SLC44A5: variants seen among roughly 807,000 people sequenced by gnomAD.
SLC44A5 encodes the protein solute carrier family 44 member 5.
A neutral mutation model predicts 101.8 loss-of-function variants in SLC44A5; 57 were observed. The ratio of observed to expected loss-of-function variants is 0.56; its 90% CI spans 0.45 to 0.70. The LOEUF is 0.70. Among genes scored for constraint, SLC44A5 ranks in the 30% least tolerant of loss-of-function variants. The pLI is 0.00. For missense variants in SLC44A5, 737 were observed against 853.1 expected, an observed-to-expected ratio of 0.86 and a Z score of 1.70; for synonymous variants, 281 against 290.9, an observed-to-expected ratio of 0.97 and a Z score of 0.35.
chr1:75,235,651 A>G (rs761391034), intron 11 of SLC44A5, among the ~76,000 whole-genome samples: 1 of 152,042 alleles, frequency 6.6e-6, no homozygotes, highest in Non-Finnish European at 1.5e-5. Flanking sequence ...CTAATTTTAC[A>G]GCTCTAAACA....
At chr1:75,651,589 C>T in the SLC44A5 span, among the ~76,000 whole-genome samples, 2 of 150,030 alleles carry the variant, frequency 1.3e-5, no homozygotes, top group East Asian at 2.0e-4. Context: ...CCCAGCTACT[C>T]GGGAGGCTGA....
the SLC44A5 span, among the ~76,000 whole-genome samples, chr1:75,646,000 C>T: frequency 0.65 from 85,236 of 131,596 alleles, 33,801 homozygotes; most frequent in East Asian, 0.87. Context: ...TATATCTGTT[C>T]TGGTACCAGT....
At chr1:75,302,104 GTTTTTTTGTTTTTT>G (rs1405491205) in intron 4 of SLC44A5, among the ~76,000 whole-genome samples, 13 of 49,612 alleles carry the variant, frequency 2.6e-4, no homozygotes, top group East Asian at 2.0e-3. Context: ...AGGTGCTCTA[GTTTTTTTGTTTTTT>G]TTTTTTTTTT....
intron 22 of SLC44A5, 29 bp downstream of exon 22, chr1:75,213,676 C>G (rs1480188868): frequency 4.2e-6 from 6 of 1,427,218 alleles, no homozygotes; most frequent in Non-Finnish European, 5.9e-6. Flanking sequence ...ATTATAGCAG[C>G]CTGTACTGAC....
In SLC44A5 at chr1:75,379,897, A is replaced by G. The variant is rs1369874160; in HGVS notation, c.52+16686T>C. Among the ~76,000 whole-genome samples, 4 of 82,608 alleles carry G rather than the reference A, an allele frequency of 4.8e-5. 2 individuals are homozygous for G. Among genetic ancestry groups the G allele is most frequent in the Non-Finnish European group, 8.3e-5 (4 of 47,912 alleles). The allele number at this position is 82,608 out of a possible 152,430, so 54.2% of individuals were successfully genotyped here. A position where few individuals can be genotyped will look rare whatever the true frequency, so the allele number is the denominator to read the frequency against. Reference sequence around the variant, plus strand: ...GCCCAGTCTTAAATAAACAGAATATAACTATTCAACCAACTACAACAGGTA... The same window carrying G: ...GCCCAGTCTTAAATAAACAGAATATGACTATTCAACCAACTACAACAGGTA... On this transcript the variant is annotated intron_variant, in intron 3 of 23. Coordinates refer to ENST00000370859, the MANE Select transcript of SLC44A5 (RefSeq NM_001130058.2).
At chr1:75,695,252 T>C in the SLC44A5 span, among the ~76,000 whole-genome samples, 1 of 152,220 alleles carries the variant, frequency 6.6e-6, no homozygotes, top group African/African-American at 2.4e-5. Context: ...AACTAGTTCC[T>C]GTTGACTTTG....
intron 3 of SLC44A5, among the ~76,000 whole-genome samples, chr1:75,375,083 A>G (rs1660488641): frequency 6.6e-6 from 1 of 152,248 alleles, no homozygotes; most frequent in Admixed American, 6.5e-5. Flanking sequence ...GATTCAAGAG[A>G]AAATTAAAAC....
chr1:75,245,601 G>C (rs1342006534), intron 7 of SLC44A5, among the ~76,000 whole-genome samples: 1 of 152,014 alleles, frequency 6.6e-6, no homozygotes, highest in African/African-American at 2.4e-5. Flanking sequence ...ATGATGGTAG[G>C]TACTTCTGAA....
intron 1 of SLC44A5, among the ~76,000 whole-genome samples, chr1:75,547,778 C>T (rs1298417663): frequency 6.6e-6 from 1 of 152,160 alleles, no homozygotes; most frequent in African/African-American, 2.4e-5. Context: ...GAAACAAGGG[C>T]AATTTTGCAA....
In SLC44A5 at chr1:75,218,508, G is replaced by A. The variant is rs780929295; in HGVS notation, c.1511C>T (p.Ala504Val). ...DDIPRYPLFT[A>V]FGRAIRYHTG... ...AACTTACCGTATGGCTCGTCCAAAT[G>A]CAGTAAAAAGTGGATATCGTGGGAT... The change falls in exon 17 of 24, where the codon GCA becomes GTA. Residue 504 changes from alanine to valine, a missense_variant. Transcript: ENST00000370859. 6.2e-7 allele frequency: 1 copy of A among 1,613,736 alleles called. No homozygotes were observed. The highest frequency in any genetic ancestry group is 1.7e-5 in the Admixed American group (1 of 60,004).
upstream of SLC44A5, among the ~76,000 whole-genome samples, chr1:75,615,416 T>TACAC (rs3031479): frequency 1.2e-3 from 153 of 131,742 alleles, no homozygotes; most frequent in African/African-American, 4.5e-3. Flanking sequence ...CTCTCTCTCT[T>TACAC]ACACACACAC....
At position 75,213,766 on chromosome 1, in the gene SLC44A5, T is replaced by G. The variant is rs769955071; in HGVS notation, c.1901A>C (p.Gln634Pro). 6.2e-7 allele frequency: 1 copy of G among 1,612,972 alleles called. No individual in the cohort carries two copies. Among genetic ancestry groups the G allele is most frequent in the Non-Finnish European group, 8.5e-7 (1 of 1,179,178 alleles). ...IGVLAFLFFT[Q>P]RLPVIAQGPA... ...TCCTTGTGCAATCACTGGCAGTCTTTGTGTGAAGAATAGGAAGGCCAGAAC... is the reference window on the plus strand; with the variant it reads ...TCCTTGTGCAATCACTGGCAGTCTTGGTGTGAAGAATAGGAAGGCCAGAAC... The change falls in exon 22 of 24, where the codon CAA (glutamine) becomes CCA (proline). Residue 634 changes from glutamine to proline, a missense_variant. This residue lies in a region of SLC44A5 where 665 missense variants were observed against 764.4 expected (regional missense o/e 0.87). Transcript: ENST00000370859.
intron 1 of SLC44A5, among the ~76,000 whole-genome samples, chr1:75,604,229 A>G (rs1190989636): frequency 6.6e-6 from 1 of 152,140 alleles, no homozygotes; most frequent in Non-Finnish European, 1.5e-5. Context: ...TCTTCTGCAT[A>G]TGGATAGCCA....
At chr1:75,339,115 C>T (rs1027970018) in intron 4 of SLC44A5, among the ~76,000 whole-genome samples, 4 of 152,130 alleles carry the variant, frequency 2.6e-5, no homozygotes, top group Non-Finnish European at 4.4e-5. Context: ...AAAGTGCACA[C>T]GATGCATTGG....
At chr1:75,655,886 T>C in the SLC44A5 span, among the ~76,000 whole-genome samples, 1 of 152,034 alleles carries the variant, frequency 6.6e-6, no homozygotes, top group Non-Finnish European at 1.5e-5. Context: ...GAGAAAGATA[T>C]AAATATCCAG....
At chr1:75,334,937 T>A (rs916389276) in intron 4 of SLC44A5, among the ~76,000 whole-genome samples, 1 of 152,138 alleles carries the variant, frequency 6.6e-6, no homozygotes, top group Non-Finnish European at 1.5e-5. Context: ...CACGTTGTAG[T>A]TAGTTGCTTG....
chr1:75,541,343 T>C (rs1402388192), intron 2 of SLC44A5, 92 bp downstream of exon 2: 18 of 1,002,910 alleles, frequency 1.8e-5, no homozygotes, highest in Non-Finnish European at 2.6e-5. Flanking sequence ...ATATACTCAT[T>C]TTTCTATTTG....
At chr1:75,545,907 A>T (rs2748445) in intron 1 of SLC44A5, among the ~76,000 whole-genome samples, 24,755 of 150,556 alleles carry the variant, frequency 0.16, 2,222 homozygotes, top group Admixed American at 0.24. Flanking sequence ...GCTCACTGAA[A>T]CCTCAACCTC....
the SLC44A5 span, among the ~76,000 whole-genome samples, chr1:75,659,100 C>T: frequency 1.3e-5 from 2 of 151,792 alleles, no homozygotes; most frequent in East Asian, 3.9e-4. Context: ...CTGAACAGAC[C>T]AATAATATGT....
Sources: gnomAD v4.1 joint callset for allele counts (sites outside exome capture counted in the v4.1 genomes callset) on GRCh38, gnomAD v4.1.1 for gene constraint, gnomAD v4.1.1 regional missense constraint, MANE v1.5 for transcripts, NCBI Gene and HGNC (gene_info 2026-07-23, HGNC 2026-07-21) for gene names.